The following TIAM2 variants were observed in gnomAD, a reference collection of about 807,000 sequenced individuals.
The protein encoded by TIAM2 is TIAM Rac1 associated GEF 2.
TIAM2 carries 80 observed loss-of-function variants against 152.9 expected under a neutral mutation model. That is an observed-to-expected ratio of 0.52 (90% CI 0.44 to 0.63). The LOEUF (loss-of-function observed/expected upper bound fraction) is 0.63, where lower values mean the gene tolerates loss of function less well. TIAM2 is among the 30% of genes least tolerant of loss of function. The probability of loss-of-function intolerance (pLI) is 0.00; values close to 1 mark genes in which losing one functional copy is unlikely to be tolerated. For missense variants in TIAM2, 1,965 were observed against 2,120.1 expected (o/e 0.93, Z 1.44); for synonymous variants, 804 against 838.0 (o/e 0.96, Z 0.70).
intron 1 of TIAM2, among the ~76,000 whole-genome samples, chr6:155,088,218 C>T (rs1778218452): frequency 6.6e-6 from 1 of 152,046 alleles, no homozygotes; most frequent in Admixed American, 6.5e-5. Context: ...CCACGCCCGG[C>T]TAATGTTTTG....
At chr6:155,217,022 G>A (rs1427445465) in intron 15 of TIAM2, 29 of 1,285,140 alleles carry the variant, frequency 2.3e-5, no homozygotes, top group Non-Finnish European at 2.6e-5. Flanking sequence ...CCCAACAGCC[G>A]ACTTAGATGT....
At chr6:155,144,840 A>G (rs1290153851) in intron 6 of TIAM2, 62 bp downstream of exon 6, 2 of 1,507,312 alleles carry the variant, frequency 1.3e-6, no homozygotes, top group Admixed American at 4.8e-5. Flanking sequence ...AAGAAGGAAC[A>G]GAAAAGGCAA....
At chr6:155,202,725 C>T (rs1475289321) in intron 14 of TIAM2, among the ~76,000 whole-genome samples, 1 of 151,526 alleles carries the variant, frequency 6.6e-6, no homozygotes, top group African/African-American at 2.4e-5. Flanking sequence ...ACCTCACTGG[C>T]CACAAAGTTA....
intron 5 of TIAM2, among the ~76,000 whole-genome samples, chr6:155,138,546 A>G (rs142430298): frequency 0.023 from 3,492 of 151,894 alleles, 132 homozygotes; most frequent in African/African-American, 0.078. Context: ...TCAACTCGTC[A>G]TTTACATTAG....
intron 2 of TIAM2, among the ~76,000 whole-genome samples, chr6:155,118,027 G>C (rs904345718): frequency 1.3e-5 from 2 of 152,230 alleles, no homozygotes; most frequent in Admixed American, 1.3e-4. Flanking sequence ...ACGCTGAGCT[G>C]TTGGCTACTG....
At chr6:155,058,581 T>TTAC (rs1777502206) in intron 1 of TIAM2, among the ~76,000 whole-genome samples, 1 of 152,220 alleles carries the variant, frequency 6.6e-6, no homozygotes, top group Non-Finnish European at 1.5e-5. Context: ...ACTGAGCTAA[T>TTAC]TACTTTATGT....
intron 1 of TIAM2, among the ~76,000 whole-genome samples, chr6:155,001,800 T>A (rs1336748020): frequency 6.6e-6 from 1 of 152,242 alleles, no homozygotes; most frequent in African/African-American, 2.4e-5. Context: ...TTCCCATTAC[T>A]AAGTGATTTC....
At chr6:155,059,294 C>CTGTGTGTGTGTG (rs56013145) in intron 1 of TIAM2, among the ~76,000 whole-genome samples, 95 of 117,294 alleles carry the variant, frequency 8.1e-4, no homozygotes, top group African/African-American at 1.4e-3. Context: ...GTGTGTGTGT[C>CTGTGTGTGTGTG]TGTGTGTGTG....
At chr6:155,217,134 T>G (rs1327019882) in intron 15 of TIAM2, 58 of 1,288,582 alleles carry the variant, frequency 4.5e-5, no homozygotes, top group Non-Finnish European at 5.6e-5. Flanking sequence ...AAGATTTTGA[T>G]CCAAATGTAG....
intron 1 of TIAM2, among the ~76,000 whole-genome samples, chr6:155,036,926 T>TTA (rs1776935005): frequency 6.6e-6 from 1 of 152,160 alleles, no homozygotes; most frequent in African/African-American, 2.4e-5. Context: ...CCTGGAGAAA[T>TTA]TCTTAAAGTT....
chr6:155,016,040 A>G (rs2114854725), intron 1 of TIAM2, among the ~76,000 whole-genome samples: 1 of 152,084 alleles, frequency 6.6e-6, no homozygotes, highest in African/African-American at 2.4e-5. Flanking sequence ...AAAAGGCAAC[A>G]ATACTTGCTG....
intron 15 of TIAM2, among the ~76,000 whole-genome samples, chr6:155,227,078 G>A (rs753219463): frequency 6.6e-6 from 1 of 152,236 alleles, no homozygotes. Flanking sequence ...AAGGAAAGTA[G>A]ATGTTTGTCT....
chr6:155,094,160 A>G (rs1778360615), intron 2 of TIAM2, among the ~76,000 whole-genome samples: 1 of 152,192 alleles, frequency 6.6e-6, no homozygotes, highest in Non-Finnish European at 1.5e-5. Flanking sequence ...ATCTGGCAAC[A>G]TTGGGTTCTA....
rs539336165 is a variant in TIAM2 at position 155,202,910 on chromosome 6, G to A, written c.3065-8294G>A. 1.6e-4 allele frequency among the ~76,000 whole-genome samples: 24 copies of A among 150,826 alleles called. No homozygotes were observed. The South Asian group carries it at 1.9e-3, about 12-fold the overall frequency. On this transcript the variant is annotated intron_variant, in intron 14 of 26. Coordinates refer to ENST00000682666, the MANE Select transcript of TIAM2 (RefSeq NM_012454.4). ...AAAAAAAAAAAAAAAAAAATTAGCCGGATGTGGTGGCATGCACCCATAGTT... is the reference window on the plus strand; with the variant it reads ...AAAAAAAAAAAAAAAAAAATTAGCCAGATGTGGTGGCATGCACCCATAGTT...
chr6:155,169,247 G>A (rs555074417), intron 9 of TIAM2, among the ~76,000 whole-genome samples: 4 of 151,976 alleles, frequency 2.6e-5, no homozygotes, highest in African/African-American at 9.7e-5. Flanking sequence ...CACCCACCTC[G>A]GCCTCCCAAA....
chr6:155,171,969 T>C (rs1035555600), intron 9 of TIAM2, among the ~76,000 whole-genome samples: 4 of 152,158 alleles, frequency 2.6e-5, no homozygotes, highest in Admixed American at 2.6e-4. Context: ...TGCTACTCAC[T>C]TCCCTTCAGT....
At chr6:155,038,662 G>C (rs1198099431) in intron 1 of TIAM2, among the ~76,000 whole-genome samples, 1 of 152,222 alleles carries the variant, frequency 6.6e-6, no homozygotes. Context: ...GCTGGGTGCA[G>C]TGGCTCATGC....
At chr6:155,038,404 G>A (rs1402269755) in intron 1 of TIAM2, among the ~76,000 whole-genome samples, 1 of 152,176 alleles carries the variant, frequency 6.6e-6, no homozygotes. Flanking sequence ...GAGAGACACA[G>A]GATGCTGTAT....
chr6:155,025,818 TCAAACA>T (rs1249071825), intron 1 of TIAM2, among the ~76,000 whole-genome samples: 3 of 79,572 alleles, frequency 3.8e-5, no homozygotes, highest in South Asian at 4.0e-4. Flanking sequence ...CACCTCCCCC[TCAAACA>T]CACACACACA....
Sources: allele counts gnomAD v4.1 joint callset (sites outside exome capture counted in the v4.1 genomes callset), GRCh38; gene constraint gnomAD v4.1.1; transcripts MANE v1.5; gene names NCBI Gene and HGNC (gene_info 2026-07-23, HGNC 2026-07-21).